The following LINGO2 variants were observed in gnomAD, a reference collection of about 807,000 sequenced individuals.
The protein encoded by LINGO2 is leucine-rich repeat and immunoglobulin-like domain-containing nogo receptor-interacting protein 2.
In LINGO2, 14 loss-of-function variants were observed where a neutral mutation model predicts 30.6. The ratio of observed to expected loss-of-function variants is 0.46; its 90% CI spans 0.30 to 0.72. The LOEUF (loss-of-function observed/expected upper bound fraction) is 0.72, where lower values mean the gene tolerates loss of function less well. Among genes scored for constraint, LINGO2 ranks in the 30% least tolerant of loss-of-function variants. LINGO2 has a pLI of 0.07. For missense variants in LINGO2, 729 were observed against 751.7 expected (o/e 0.97, Z 0.35); for synonymous variants, 317 against 288.5 (o/e 1.10, Z -1.00).
At chr9:28,439,730 G>A (rs1824113539) in intron 2 of LINGO2, among the ~76,000 whole-genome samples, 3 of 152,126 alleles carry the variant, frequency 2.0e-5, no homozygotes, top group South Asian at 2.1e-4. Context: ...CCTGCAGAAC[G>A]ATGAGCCAAT....
the LINGO2 span, among the ~76,000 whole-genome samples, chr9:28,946,840 C>T: frequency 2.6e-5 from 4 of 152,032 alleles, no homozygotes; most frequent in African/African-American, 7.2e-5. Flanking sequence ...CCTTCCAAGG[C>T]ATCACTGTTG....
the LINGO2 span, among the ~76,000 whole-genome samples, chr9:29,125,156 A>G: frequency 6.6e-6 from 1 of 152,150 alleles, no homozygotes; most frequent in Non-Finnish European, 1.5e-5. Flanking sequence ...AAACTAACAC[A>G]GGAACATAAA....
At chr9:28,402,502 A>T (rs778996327) in intron 2 of LINGO2, among the ~76,000 whole-genome samples, 1 of 152,104 alleles carries the variant, frequency 6.6e-6, no homozygotes, top group Non-Finnish European at 1.5e-5. Flanking sequence ...ACTTTTTGCC[A>T]TGAAGAATCT....
At chr9:28,200,859 T>G (rs1820205076) in intron 4 of LINGO2, among the ~76,000 whole-genome samples, 1 of 152,150 alleles carries the variant, frequency 6.6e-6, no homozygotes, top group African/African-American at 2.4e-5. Flanking sequence ...TTAAAAACAG[T>G]GGATCCCTTT....
intron 5 of LINGO2, among the ~76,000 whole-genome samples, chr9:27,951,604 G>A (rs1266550184): frequency 6.6e-6 from 1 of 152,098 alleles, no homozygotes; most frequent in Non-Finnish European, 1.5e-5. Context: ...GAAGGGAAAT[G>A]AGTATGTTTT....
chr9:28,609,803 A>G (rs1033875517), intron 1 of LINGO2, among the ~76,000 whole-genome samples: 2 of 152,134 alleles, frequency 1.3e-5, no homozygotes, highest in Non-Finnish European at 2.9e-5. Context: ...CTTATGGCGT[A>G]CCTTAAATTA....
chr9:29,007,210 T>C, the LINGO2 span, among the ~76,000 whole-genome samples: 1 of 152,076 alleles, frequency 6.6e-6, no homozygotes, highest in Non-Finnish European at 1.5e-5. Context: ...TGATACTGAA[T>C]ATTTCTTCCC....
chr9:28,712,483 G>A, the LINGO2 span, among the ~76,000 whole-genome samples: 1 of 150,644 alleles, frequency 6.6e-6, no homozygotes, highest in Non-Finnish European at 1.5e-5. Flanking sequence ...CTCAAGCTCT[G>A]AATCTAGAAT....
intron 5 of LINGO2, among the ~76,000 whole-genome samples, chr9:28,011,132 A>G (rs1377321333): frequency 6.6e-6 from 1 of 152,206 alleles, no homozygotes; most frequent in African/African-American, 2.4e-5. Context: ...ATGTGAGTAG[A>G]GAAGGGTTCA....
At chr9:28,368,714 A>C (rs905472696) in intron 3 of LINGO2, among the ~76,000 whole-genome samples, 1 of 151,080 alleles carries the variant, frequency 6.6e-6, no homozygotes, top group Admixed American at 6.6e-5. Flanking sequence ...CTCCTGCCTC[A>C]GCCTCGCGAG....
chr9:28,680,793 C>T, the LINGO2 span, among the ~76,000 whole-genome samples: 2 of 151,994 alleles, frequency 1.3e-5, no homozygotes, highest in African/African-American at 2.4e-5. Flanking sequence ...TGTTCAGATC[C>T]TTTGCCCATT....
the LINGO2 span, among the ~76,000 whole-genome samples, chr9:29,078,155 T>G: frequency 1.3e-5 from 2 of 151,748 alleles, no homozygotes; most frequent in Non-Finnish European, 2.9e-5. Context: ...AAGAAGAAAA[T>G]GTAAAAACTA....
At chr9:28,791,801 C>A in the LINGO2 span, among the ~76,000 whole-genome samples, 1 of 151,618 alleles carries the variant, frequency 6.6e-6, no homozygotes, top group Non-Finnish European at 1.5e-5. Context: ...AAAGTATTGA[C>A]CCTACAATGA....
the LINGO2 span, among the ~76,000 whole-genome samples, chr9:29,208,899 A>T: frequency 2.0e-5 from 3 of 152,112 alleles, no homozygotes; most frequent in Non-Finnish European, 4.4e-5. Flanking sequence ...TTCTCTTGGG[A>T]GATTTTTAGA....
chr9:28,023,535 G>T (rs192567446), intron 4 of LINGO2, among the ~76,000 whole-genome samples: 61 of 152,288 alleles, frequency 4.0e-4, no homozygotes, highest in African/African-American at 1.4e-3. Flanking sequence ...ACCAATCTCA[G>T]TCTTTCAGTG....
the LINGO2 span, among the ~76,000 whole-genome samples, chr9:29,207,013 A>G: frequency 2.6e-5 from 4 of 151,830 alleles, no homozygotes; most frequent in African/African-American, 9.7e-5. Flanking sequence ...TCATCAGGCT[A>G]TATGTGTGTG....
chr9:28,189,809 C>G (rs1045598352), intron 4 of LINGO2, among the ~76,000 whole-genome samples: 2 of 152,054 alleles, frequency 1.3e-5, no homozygotes, highest in Non-Finnish European at 2.9e-5. Context: ...CAGTTGTGAT[C>G]AAGGGCTTAA....
chr9:29,142,395 C>T, the LINGO2 span, among the ~76,000 whole-genome samples: 2 of 151,466 alleles, frequency 1.3e-5, no homozygotes, highest in Non-Finnish European at 1.5e-5. Flanking sequence ...TGCAGAAAAA[C>T]CAGAACTAAG....
the LINGO2 span, among the ~76,000 whole-genome samples, chr9:29,170,210 T>C: frequency 6.6e-6 from 1 of 152,170 alleles, no homozygotes; most frequent in South Asian, 2.1e-4. Context: ...TAAGTGTCCA[T>C]CAATGGACTG....
Sources: gnomAD v4.1 joint callset for allele counts (sites outside exome capture counted in the v4.1 genomes callset) on GRCh38, gnomAD v4.1.1 for gene constraint, MANE v1.5 for transcripts, NCBI Gene and HGNC (gene_info 2026-07-23, HGNC 2026-07-21) for gene names.